Variants in MAPK4 observed in about 807,000 individuals in gnomAD.
MAPK4 encodes mitogen-activated protein kinase 4, also known as Erk3-related.
In MAPK4, 22 loss-of-function variants were observed where a neutral mutation model predicts 47.7. The ratio of observed to expected loss-of-function variants is 0.46; its 90% confidence interval spans 0.33 to 0.66. The LOEUF (loss-of-function observed/expected upper bound fraction) is 0.66. Ranked by LOEUF, MAPK4 falls within the 30% of genes least tolerant of loss-of-function variation. MAPK4 has a pLI of 0.02. For missense variants in MAPK4, 736 were observed against 831.7 expected (o/e 0.88, Z 1.42); for synonymous variants, 390 against 365.7 (o/e 1.07, Z -0.76).
intron 2 of MAPK4, among the ~76,000 whole-genome samples, chr18:50,692,876 C>G (rs1909303301): frequency 1.3e-5 from 2 of 152,132 alleles, no homozygotes; most frequent in African/African-American, 4.8e-5. Flanking sequence ...GGGTTTTGAA[C>G]TCATGAGTAA....
At chr18:50,680,873 A>G (rs1211058168) in intron 2 of MAPK4, among the ~76,000 whole-genome samples, 3 of 152,204 alleles carry the variant, frequency 2.0e-5, no homozygotes, top group African/African-American at 7.2e-5. Flanking sequence ...GGCTCTTATG[A>G]TAAAGCTGCC....
chr18:50,672,854 A>T (rs114752996), intron 2 of MAPK4, among the ~76,000 whole-genome samples: 4,663 of 152,240 alleles, frequency 0.031, 142 homozygotes, highest in African/African-American at 0.071. Context: ...GCAGTATTTC[A>T]TTATTCAGCA....
At chr18:50,607,662 A>T (rs1018050684) in intron 1 of MAPK4, among the ~76,000 whole-genome samples, 1 of 152,232 alleles carries the variant, frequency 6.6e-6, no homozygotes, top group African/African-American at 2.4e-5. Context: ...GCAGATCCTT[A>T]GGAACCACTC....
At chr18:50,623,345 G>A (rs1373451425) in intron 1 of MAPK4, among the ~76,000 whole-genome samples, 1 of 152,226 alleles carries the variant, frequency 6.6e-6, no homozygotes, top group East Asian at 1.9e-4. Context: ...TTGTGCAGCA[G>A]TGTAGATTTT....
chr18:50,564,874 T>C (rs1475586296), intron 1 of MAPK4, among the ~76,000 whole-genome samples: 1 of 152,162 alleles, frequency 6.6e-6, no homozygotes, highest in African/African-American at 2.4e-5. Context: ...TCAGTTCTGG[T>C]GGACTTGATG....
At chr18:50,670,205 C>T (rs1907857418) in intron 2 of MAPK4, 1 of 150,752 alleles carries the variant, frequency 6.6e-6, no homozygotes, top group Non-Finnish European at 1.5e-5. Flanking sequence ...TCATAAGCCA[C>T]ATGGCGCTTG....
chr18:50,561,774 A>G (rs1054554518), intron 1 of MAPK4, among the ~76,000 whole-genome samples: 1 of 152,230 alleles, frequency 6.6e-6, no homozygotes, highest in Non-Finnish European at 1.5e-5. Flanking sequence ...AGGGTTTGTC[A>G]GACAGGAGCA....
intron 3 of MAPK4, among the ~76,000 whole-genome samples, chr18:50,720,998 TG>T (rs1234075339): frequency 6.6e-6 from 1 of 152,142 alleles, no homozygotes; most frequent in Non-Finnish European, 1.5e-5. Context: ...TGCAGCTGGA[TG>T]GGCAGGGAAG....
chr18:50,711,356 C>T (rs933805890), intron 2 of MAPK4, among the ~76,000 whole-genome samples: 1 of 152,220 alleles, frequency 6.6e-6, no homozygotes, highest in East Asian at 1.9e-4. Flanking sequence ...AGAAAGGAAA[C>T]CATGTTCATC....
intron 1 of MAPK4, among the ~76,000 whole-genome samples, chr18:50,563,312 A>G (rs999760051): frequency 6.6e-6 from 1 of 152,248 alleles, no homozygotes; most frequent in African/African-American, 2.4e-5. Context: ...TGAGGGAAAT[A>G]GCGTTGGCAA....
chr18:50,725,862 A>G (rs1911161697), intron 4 of MAPK4, 100 bp from the exon 5 acceptor site: 10 of 985,988 alleles, frequency 1.0e-5, no homozygotes, highest in Non-Finnish European at 1.6e-5. Flanking sequence ...CAAATGCAGA[A>G]GCACAGACAC....
intron 1 of MAPK4, among the ~76,000 whole-genome samples, chr18:50,618,797 G>A (rs1328524577): frequency 6.6e-6 from 1 of 152,102 alleles, no homozygotes; most frequent in Non-Finnish European, 1.5e-5. Flanking sequence ...ATTATGGAGT[G>A]GGGCAGGTGT....
intron 2 of MAPK4, chr18:50,705,347 C>T (rs1909993600): frequency 6.6e-6 from 1 of 152,274 alleles, no homozygotes; most frequent in Non-Finnish European, 1.5e-5. Context: ...CAGGAGCCCT[C>T]GCTGCCTCCC....
chr18:50,711,570 A>ACTTGTGCGCCAAGTGTGCCTG (rs774999472), intron 2 of MAPK4, among the ~76,000 whole-genome samples: 30 of 152,330 alleles, frequency 2.0e-4, no homozygotes, highest in Non-Finnish European at 2.5e-4. Flanking sequence ...AGACGCACCC[A>ACTTGTGCGCCAAGTGTGCCTG]CTTGTGCGCC....
At chr18:50,721,858 A>C (rs1910950947) in intron 3 of MAPK4, 80 bp from the exon 4 acceptor site, 1 of 1,458,582 alleles carries the variant, frequency 6.9e-7, no homozygotes, top group East Asian at 2.3e-5. Context: ...CCCTCCCAGA[A>C]CACCTGGCAC....
chr18:50,631,527 G>A lies in MAPK4; in HGVS notation c.-870-31562G>A, dbSNP rs572938433. Among the ~76,000 whole-genome samples the A allele has an allele frequency of 1.4e-4, 22 of 152,254 alleles. No individual in the cohort carries two copies. The East Asian group carries it at 1.7e-3, about 12-fold the overall frequency. On this transcript the variant is annotated intron_variant, in intron 1 of 5. Coordinates refer to ENST00000400384, the MANE Select transcript of MAPK4 (RefSeq NM_002747.4). Reference sequence around the variant, plus strand: ...CATGAATAAAGAGGGTCAACTTAGCGTCTCCTAAGTGTGAGGCATCATTCA... The same window carrying A: ...CATGAATAAAGAGGGTCAACTTAGCATCTCCTAAGTGTGAGGCATCATTCA...
chr18:50,569,287 TC>T (rs1305509489), intron 1 of MAPK4, among the ~76,000 whole-genome samples: 4 of 152,276 alleles, frequency 2.6e-5, no homozygotes, highest in African/African-American at 9.6e-5. Flanking sequence ...CAGCATTTTT[TC>T]TTTTTCACTG....
chr18:50,631,556 C>G (rs1045436716), intron 1 of MAPK4, among the ~76,000 whole-genome samples: 5 of 152,180 alleles, frequency 3.3e-5, no homozygotes, highest in African/African-American at 1.2e-4. Context: ...TCATTCAAAC[C>G]CTTCCTGAAC....
intron 1 of MAPK4, among the ~76,000 whole-genome samples, chr18:50,626,611 C>CG (rs1408127313): frequency 6.6e-6 from 1 of 152,096 alleles, no homozygotes; most frequent in African/African-American, 2.4e-5. Context: ...TCCTTTTTCT[C>CG]GTCCCCTCTC....
Sources: gnomAD v4.1 joint callset for allele counts (sites outside exome capture counted in the v4.1 genomes callset) on GRCh38, gnomAD v4.1.1 for gene constraint, MANE v1.5 for transcripts, NCBI Gene and HGNC (gene_info 2026-07-23, HGNC 2026-07-21) for gene names.